The following MAST4 variants were observed in gnomAD, a reference collection of about 807,000 sequenced individuals.
MAST4 encodes microtubule-associated serine/threonine-protein kinase 4.
Under a neutral mutation model 162.7 loss-of-function variants are expected in MAST4, and 89 were observed. That is an observed-to-expected ratio of 0.55 (90% CI 0.46 to 0.65). MAST4 has a LOEUF of 0.65. Ranked by LOEUF, MAST4 falls within the 30% of genes least tolerant of loss-of-function variation. The pLI is 0.00. For synonymous variants in MAST4, 1,479 were observed against 1,361.1 expected (o/e 1.09, Z -1.91); for missense variants, 3,153 against 3,374.0 (o/e 0.93, Z 1.62).
chr5:66,964,610 G>A (rs59171801), intron 4 of MAST4, among the ~76,000 whole-genome samples: 1 of 152,138 alleles, frequency 6.6e-6, no homozygotes, highest in East Asian at 1.9e-4. Context: ...GACCATCCTG[G>A]CTAACACGGT....
intron 6 of MAST4, among the ~76,000 whole-genome samples, chr5:67,094,798 C>A (rs1440229553): frequency 6.6e-6 from 1 of 152,204 alleles, no homozygotes; most frequent in East Asian, 1.9e-4. Flanking sequence ...CCCATTCTAT[C>A]ATCACTTGAA....
intron 4 of MAST4, among the ~76,000 whole-genome samples, chr5:66,996,007 G>A (rs974784172): frequency 1.3e-5 from 2 of 152,144 alleles, no homozygotes; most frequent in Admixed American, 1.3e-4. Context: ...GCCAGGCATG[G>A]TGGCTCACGC....
chr5:66,627,235 T>C (rs955282235), intron 1 of MAST4, among the ~76,000 whole-genome samples: 12 of 152,162 alleles, frequency 7.9e-5, no homozygotes, highest in African/African-American at 2.9e-4. Context: ...CATCAGATCT[T>C]GTGAGAACTC....
chr5:66,886,135 C>T (rs1029948013), intron 3 of MAST4, among the ~76,000 whole-genome samples: 2 of 152,186 alleles, frequency 1.3e-5, no homozygotes, highest in African/African-American at 4.8e-5. Context: ...TCTGCCAGGC[C>T]ATGTACCTGA....
chr5:66,752,288 A>T (rs1329497361), intron 1 of MAST4, among the ~76,000 whole-genome samples: 2 of 152,078 alleles, frequency 1.3e-5, no homozygotes, highest in Non-Finnish European at 2.9e-5. Context: ...AAATTCACAC[A>T]TAACAATATT....
intron 4 of MAST4, among the ~76,000 whole-genome samples, chr5:66,951,386 T>C (rs757045626): frequency 7.2e-5 from 11 of 152,302 alleles, no homozygotes; most frequent in Non-Finnish European, 1.3e-4. Flanking sequence ...TCTGCTTTTG[T>C]CACATCTTCT....
intron 10 of MAST4, 70 bp downstream of exon 10, chr5:67,104,645 A>T (rs966068206): frequency 5.7e-6 from 7 of 1,225,496 alleles, no homozygotes; most frequent in Non-Finnish European, 7.0e-6. Flanking sequence ...TTTTTTGCTT[A>T]CAAGTTATAA....
At chr5:67,009,684 TAGTGGGTGGTGA>T (rs1347510639) in intron 4 of MAST4, among the ~76,000 whole-genome samples, 1 of 151,948 alleles carries the variant, frequency 6.6e-6, no homozygotes, top group Non-Finnish European at 1.5e-5. Flanking sequence ...TGAAGATGAG[TAGTGGGTGGTGA>T]AGCTGCGGAG....
rs79112646 is a variant in MAST4 at position 66,939,865 on chromosome 5, A to G, written c.674+39883A>G. 2.7e-3 allele frequency among the ~76,000 whole-genome samples: 415 copies of G among 152,180 alleles called. 2 individuals are homozygous for G. Among genetic ancestry groups the G allele is most frequent in the African/African-American group, 9.7e-3 (404 of 41,508 alleles). On this transcript the variant is annotated intron_variant, in intron 4 of 28. Transcript: ENST00000403625. ...CATATAAAAGCTATGTGTAAACTAT[A>G]CTGTAGTCTATTAAGTGTGCAATAG...
At chr5:67,108,097 T>A (rs1765798602) in intron 10 of MAST4, among the ~76,000 whole-genome samples, 1 of 152,218 alleles carries the variant, frequency 6.6e-6, no homozygotes, top group Non-Finnish European at 1.5e-5. Context: ...TATCCTTGAT[T>A]ATGGCTGATT....
At chr5:67,157,512 C>T (rs1233192157) in intron 26 of MAST4, among the ~76,000 whole-genome samples, 1 of 152,122 alleles carries the variant, frequency 6.6e-6, no homozygotes. Context: ...GTTTATGGCT[C>T]CTTCATTTTA....
intron 2 of MAST4, among the ~76,000 whole-genome samples, chr5:66,763,809 A>T (rs2149620603): frequency 6.6e-6 from 1 of 152,234 alleles, no homozygotes; most frequent in South Asian, 2.1e-4. Context: ...GAAATGCATT[A>T]TTGACTTAAG....
At chr5:66,753,170 A>C (rs1753297068) in intron 1 of MAST4, among the ~76,000 whole-genome samples, 1 of 152,210 alleles carries the variant, frequency 6.6e-6, no homozygotes, top group African/African-American at 2.4e-5. Context: ...AGGGAAACTT[A>C]TAGCACTAAA....
chr5:66,657,414 G>A (rs771607253), intron 1 of MAST4, among the ~76,000 whole-genome samples: 1 of 152,170 alleles, frequency 6.6e-6, no homozygotes, highest in African/African-American at 2.4e-5. Context: ...CATTCTAATT[G>A]TATCCTCATG....
At chr5:66,859,466 C>A (rs1163493459) in intron 3 of MAST4, among the ~76,000 whole-genome samples, 1 of 152,146 alleles carries the variant, frequency 6.6e-6, no homozygotes, top group South Asian at 2.1e-4. Context: ...AATCCTACCA[C>A]CCCTGTCCTT....
chr5:66,788,901 T>G, intron 3 of MAST4, 107 bp downstream of exon 3: 9 of 1,323,300 alleles, frequency 6.8e-6, no homozygotes, highest in Non-Finnish European at 8.9e-6. Flanking sequence ...ACATGTGACG[T>G]TAAGCACATA....
At chr5:67,078,620 T>G (rs1761970912) in intron 5 of MAST4, among the ~76,000 whole-genome samples, 1 of 143,484 alleles carries the variant, frequency 7.0e-6, no homozygotes, top group Non-Finnish European at 1.5e-5. Context: ...AAATATATAT[T>G]TATATATTTA....
chr5:66,967,780 A>G (rs983714312), intron 4 of MAST4, among the ~76,000 whole-genome samples: 1 of 150,434 alleles, frequency 6.6e-6, no homozygotes, highest in African/African-American at 2.5e-5. Flanking sequence ...ATATATATAT[A>G]TGGCCCTAAA....
intron 5 of MAST4, among the ~76,000 whole-genome samples, chr5:67,083,189 T>A (rs1262248073): frequency 6.6e-6 from 1 of 152,206 alleles, no homozygotes; most frequent in African/African-American, 2.4e-5. Context: ...AGCAACAGGG[T>A]TAAATGCCTT....
Sources: gnomAD v4.1 joint callset for allele counts (sites outside exome capture counted in the v4.1 genomes callset) on GRCh38, gnomAD v4.1.1 for gene constraint, MANE v1.5 for transcripts, NCBI Gene and HGNC (gene_info 2026-07-23, HGNC 2026-07-21) for gene names.